Variants in TNKS2 observed in about 807,000 individuals in gnomAD.
TNKS2 encodes the protein poly [ADP-ribose] polymerase tankyrase-2.
A neutral mutation model predicts 137.6 loss-of-function variants in TNKS2; 72 were observed. The observed-to-expected ratio is 0.52, with a 90% confidence interval of 0.43 to 0.64. The LOEUF (loss-of-function observed/expected upper bound fraction) is 0.64, where lower values mean the gene tolerates loss of function less well. TNKS2 is among the 30% of genes least tolerant of loss of function. The pLI, the probability that TNKS2 is intolerant of heterozygous loss-of-function variation, is 0.00. For missense variants in TNKS2, 1,049 were observed against 1,410.2 expected (o/e 0.74, Z 4.10); for synonymous variants, 516 against 512.1 (o/e 1.01, Z -0.10).
Position 91,798,873 on chromosome 10 carries a change from G to T in TNKS2, c.183G>T (p.Pro61=). The T allele has an allele frequency of 2.2e-6, 3 of 1,373,348 alleles. 1 individual carries two copies. Among genetic ancestry groups the T allele is most frequent in the Non-Finnish European group, 1.9e-6 (2 of 1,055,070 alleles). The allele number at this position is 1,373,348 out of a possible 1,614,324, so 85.1% of individuals were successfully genotyped here. A position where few individuals can be genotyped will look rare whatever the true frequency, so the allele number is the denominator to read the frequency against. ...SRDTAGRKST[P]LHFAAGFGRK... ...ACACGGCGGGCAGGAAATCCACCCC[G>T]CTGCACTTCGCCGCAGGTAACCGGG... The change falls in exon 1 of 27, where the codon CCG becomes CCT. Residue 61 remains proline, a synonymous_variant. Coordinates refer to ENST00000371627, the MANE Select transcript of TNKS2 (RefSeq NM_025235.4).
chr10:91,818,030 T>G (rs1023152370), intron 3 of TNKS2, among the ~76,000 whole-genome samples: 9 of 152,244 alleles, frequency 5.9e-5, no homozygotes, highest in African/African-American at 2.2e-4. Flanking sequence ...TGAGAAAATT[T>G]AGACTTCTTC....
rs1227929828 is a variant in TNKS2 at position 91,833,885 on chromosome 10, T to C, written c.1308T>C (p.Ser436=). 8 of 1,610,292 alleles carry C rather than the reference T, an allele frequency of 5.0e-6. No individual in the cohort carries two copies. The highest frequency in any genetic ancestry group is 6.8e-6 in the Non-Finnish European group (8 of 1,178,872). ...CTCTGGATAATCTTGGTCAGACTTCTCTACACAGAGCTGCATATTGTGGTC... is the reference window on the plus strand; with the variant it reads ...CTCTGGATAATCTTGGTCAGACTTCCCTACACAGAGCTGCATATTGTGGTC... ...VNALDNLGQT[S]LHRAAYCGHL... is the part of the protein sequence containing the mutation. Residue 436 remains serine (S), a synonymous_variant, in exon 12 of 27, where the codon TCT becomes TCC. Transcript: ENST00000371627.
intron 13 of TNKS2, among the ~76,000 whole-genome samples, chr10:91,840,017 C>A (rs1842161334): frequency 6.6e-6 from 1 of 152,042 alleles, no homozygotes; most frequent in South Asian, 2.1e-4. Flanking sequence ...ATAAAATTTA[C>A]CCTTGAGCGT....
rs1307148875 is a variant in TNKS2, at chr10:91,835,621, C to A, written c.1448-1298C>A. On this transcript the variant is annotated intron_variant, in intron 12 of 26. Transcript: ENST00000371627. ...TTTTTTTTTTTTTTTTTTAATTTTTCTTTTATTTTATTTATTTATTTTTGA... is the reference window on the plus strand; with the variant it reads ...TTTTTTTTTTTTTTTTTTAATTTTTATTTTATTTTATTTATTTATTTTTGA... Among the ~76,000 whole-genome samples, 557 of 85,716 alleles carry A rather than the reference C, an allele frequency of 6.5e-3. 6 individuals are homozygous for A. Among genetic ancestry groups the A allele is most frequent in the African/African-American group, 0.023 (514 of 22,486 alleles). The allele number at this position is 85,716 out of a possible 152,430, so 56.2% of individuals were successfully genotyped here. A position where few individuals can be genotyped will look rare whatever the true frequency, so the allele number is the denominator to read the frequency against.
rs1372393527 is a variant in TNKS2, at chr10:91,842,173, A to G, written c.1841A>G (p.His614Arg). Reference sequence around the variant, plus strand: ...TTTTTCTGTTTTTCACATGCCTAGCATGGTGCAGACCCTACAAAAAAAAAC... The same window carrying G: ...TTTTTCTGTTTTTCACATGCCTAGCGTGGTGCAGACCCTACAAAAAAAAAC... ...KYEICKLLLQ[H>R]GADPTKKNRD... Residue 614 changes from histidine to arginine, a missense_variant and splice_region_variant, in exon 16 of 27, where the codon CAT becomes CGT. Coordinates refer to ENST00000371627, the MANE Select transcript of TNKS2 (RefSeq NM_025235.4). The G allele has an allele frequency of 4.4e-6, 7 of 1,607,134 alleles. No individual in the cohort carries two copies. Among genetic ancestry groups the G allele is most frequent in the Non-Finnish European group, 5.1e-6 (6 of 1,176,458 alleles).
At chr10:91,828,549 T>G (rs2133629093) in intron 9 of TNKS2, 143 bp downstream of exon 9, 1 of 914,748 alleles carries the variant, frequency 1.1e-6, no homozygotes, top group South Asian at 2.7e-5. Flanking sequence ...TTTAAAAATT[T>G]AAACAGTACC....
In TNKS2 at chr10:91,863,254, A is replaced by G. The variant is rs1842898996; in HGVS notation, c.*255A>G. 8.2e-6 allele frequency: 3 copies of G among 364,080 alleles called. No homozygotes were observed. The highest frequency in any genetic ancestry group is 9.6e-5 in the East Asian group (2 of 20,760). The allele number at this position is 364,080 out of a possible 1,614,324, so 22.6% of individuals were successfully genotyped here. ...TAAACTGGGTTGTCTGTACTAAATTATAAACAGAGTTAACTTGAACCTTTT... is the reference window on the plus strand; with the variant it reads ...TAAACTGGGTTGTCTGTACTAAATTGTAAACAGAGTTAACTTGAACCTTTT... On this transcript the variant is annotated 3_prime_UTR_variant, in exon 27 of 27. Transcript: ENST00000371627.
intron 2 of TNKS2, among the ~76,000 whole-genome samples, chr10:91,815,759 G>C (rs1402714170): frequency 6.6e-6 from 1 of 151,726 alleles, no homozygotes; most frequent in Non-Finnish European, 1.5e-5. Flanking sequence ...TTTTATTTCT[G>C]TTGAACAGCA....
chr10:91,831,007 A>G lies in TNKS2; in HGVS notation c.1189A>G (p.Thr397Ala). The change falls in exon 10 of 27, where the codon ACT (threonine) becomes GCT (alanine). Residue 397 changes from threonine to alanine, a missense_variant. By Grantham distance (58) the Thr-to-Ala change is moderately conservative. Transcript: ENST00000371627. The part of the protein sequence containing the change: ...LRKGANINEK[T>A]KEFLTPLHVA... ...AAAAGGAGCAAACATCAATGAAAAGACTAAAGAGTAAGTATACATTTAATG... is the reference window on the plus strand; with the variant it reads ...AAAAGGAGCAAACATCAATGAAAAGGCTAAAGAGTAAGTATACATTTAATG... The G allele has an allele frequency of 1.2e-6, 2 of 1,612,932 alleles. No individual in the cohort carries two copies. Among genetic ancestry groups the G allele is most frequent in the Non-Finnish European group, 1.7e-6 (2 of 1,179,682 alleles).
At chr10:91,819,394 A>G in intron 4 of TNKS2, 88 bp downstream of exon 4, 1 of 1,436,226 alleles carries the variant, frequency 7.0e-7, no homozygotes, top group Non-Finnish European at 9.3e-7. Flanking sequence ...CAAACTTTAA[A>G]AAGAATTTTT....
Position 91,863,024 on chromosome 10 carries a change from C to T in TNKS2, c.*25C>T, listed in dbSNP as rs769492917. 55 of 1,547,832 alleles carry T rather than the reference C, an allele frequency of 3.6e-5. No individual in the cohort carries two copies. The highest frequency in any genetic ancestry group is 4.9e-5 in the Non-Finnish European group (55 of 1,123,864). On this transcript the variant is annotated 3_prime_UTR_variant, in exon 27 of 27. Transcript: ENST00000371627. ...AATAGTTATTTTAAGAAACTAATTCCACTGAACCTAAAATCATCAAAGCAG... is the reference window on the plus strand; with the variant it reads ...AATAGTTATTTTAAGAAACTAATTCTACTGAACCTAAAATCATCAAAGCAG...
intron 6 of TNKS2, 56 bp downstream of exon 6, chr10:91,820,089 A>G: frequency 8.7e-7 from 1 of 1,150,778 alleles, no homozygotes; most frequent in South Asian, 1.6e-5. Flanking sequence ...TCTTAAAACA[A>G]TCTTTGTAAC....
At chr10:91,804,086 CT>C (rs1232221257) in intron 1 of TNKS2, among the ~76,000 whole-genome samples, 1 of 152,064 alleles carries the variant, frequency 6.6e-6, no homozygotes, top group East Asian at 1.9e-4. Flanking sequence ...CAAGCAGTAC[CT>C]GGAGTTGCTG....
intron 22 of TNKS2, among the ~76,000 whole-genome samples, 158 bp downstream of exon 22, chr10:91,855,284 C>T (rs1346036999): frequency 1.3e-5 from 2 of 152,048 alleles, no homozygotes; most frequent in East Asian, 1.9e-4. Flanking sequence ...TAATATTACT[C>T]TAGAAAATAT....
intron 21 of TNKS2, among the ~76,000 whole-genome samples, chr10:91,852,681 G>C (rs1237740669): frequency 1.3e-5 from 2 of 152,240 alleles, no homozygotes; most frequent in African/African-American, 2.4e-5. Context: ...CGTCCTGGCT[G>C]TACACCTGGG....
Position 91,813,182 on chromosome 10 carries a change from T to C in TNKS2, c.399T>C (p.Ile133=), listed in dbSNP as rs890532121. ...WNYTPLHEAA[I]KGKIDVCIVL... is the part of the protein sequence containing the mutation. ...ATACTCCTCTCCATGAAGCTGCAAT[T>C]AAAGGAAAGATTGATGTTTGCATTG... The change falls in exon 2 of 27, where the codon ATT becomes ATC. Residue 133 remains isoleucine, a synonymous_variant. Coordinates refer to ENST00000371627, the MANE Select transcript of TNKS2 (RefSeq NM_025235.4). 1 of 1,614,144 alleles carries C rather than the reference T, an allele frequency of 6.2e-7. No individual in the cohort carries two copies. Among genetic ancestry groups the C allele is most frequent in the Non-Finnish European group, 8.5e-7 (1 of 1,179,988 alleles).
At chr10:91,840,950 T>C (rs921241908) in intron 14 of TNKS2, among the ~76,000 whole-genome samples, 6 of 152,224 alleles carry the variant, frequency 3.9e-5, no homozygotes, top group African/African-American at 1.4e-4. Flanking sequence ...TAGTGTGATA[T>C]TGACTTTTAA....
At chr10:91,847,606 G>A (rs904780902) in intron 18 of TNKS2, among the ~76,000 whole-genome samples, 3 of 152,216 alleles carry the variant, frequency 2.0e-5, no homozygotes, top group Admixed American at 6.5e-5. Flanking sequence ...GACCCACCTC[G>A]GCCTCCCAAA....
intron 11 of TNKS2, among the ~76,000 whole-genome samples, chr10:91,833,396 T>C (rs1388981734): frequency 6.6e-6 from 1 of 152,200 alleles, no homozygotes; most frequent in Non-Finnish European, 1.5e-5. Context: ...GACTATTCCA[T>C]AGTATGTGTA....
Sources: allele counts gnomAD v4.1 joint callset (sites outside exome capture counted in the v4.1 genomes callset), GRCh38; gene constraint gnomAD v4.1.1; transcripts MANE v1.5; gene names NCBI Gene and HGNC (gene_info 2026-07-23, HGNC 2026-07-21).